Variants in FAXC observed in about 807,000 individuals in gnomAD.
FAXC encodes the protein failed axon connections homolog, metaxin like GST domain containing.
A neutral mutation model predicts 41.9 loss-of-function variants in FAXC; 10 were observed. That is an observed-to-expected ratio of 0.24 (90% CI 0.15 to 0.41). The LOEUF is 0.41. Ranked by LOEUF, FAXC falls within the 10% of genes least tolerant of loss-of-function variation. FAXC has a pLI of 1.00. For synonymous variants in FAXC, 183 were observed against 183.8 expected (o/e 1.00, Z 0.03); for missense variants, 399 against 510.9 (o/e 0.78, Z 2.11).
rs182120667 is a variant in FAXC, at chr6:99,279,082, T to A, written c.*2082A>T. The A allele has an allele frequency of 6.6e-6, 1 of 152,244 alleles. No individual in the cohort carries two copies. Among genetic ancestry groups the A allele is most frequent in the African/African-American group, 2.4e-5 (1 of 41,550 alleles). The allele number at this position is 152,244 out of a possible 1,614,324, so 9.4% of individuals were successfully genotyped here. On this transcript the variant is annotated 3_prime_UTR_variant, in exon 6 of 6. Transcript: ENST00000389677. ...CTGTTCATTATATTCATATTTTCAGTCCAGGAGTCTCCCTAGTCACACAGA... is the reference window on the plus strand; with the variant it reads ...CTGTTCATTATATTCATATTTTCAGACCAGGAGTCTCCCTAGTCACACAGA...
At chr6:99,322,923 A>G (rs1279960611) in intron 4 of FAXC, among the ~76,000 whole-genome samples, 4 of 152,220 alleles carry the variant, frequency 2.6e-5, no homozygotes, top group African/African-American at 9.6e-5. Context: ...TGTGCTAGTA[A>G]TAAGAGGACT....
intron 5 of FAXC, among the ~76,000 whole-genome samples, chr6:99,287,039 A>C (rs1285228806): frequency 6.6e-6 from 1 of 152,202 alleles, no homozygotes; most frequent in Non-Finnish European, 1.5e-5. Context: ...GATGAGCAAG[A>C]GTATATATTT....
rs377166590 is a variant in FAXC at position 99,291,804 on chromosome 6, G to T, written c.840C>A (p.Ile280=). Residue 280 remains isoleucine (I), a synonymous_variant, in exon 5 of 6, where the codon ATC becomes ATA. Transcript: ENST00000389677. Reference sequence around the variant, plus strand: ...CAAGAGTGGAAAGCTTGGGCCCCATGATGTACTTCTTATCACCTGCAGTAA... The same window carrying T: ...CAAGAGTGGAAAGCTTGGGCCCCATTATGTACTTCTTATCACCTGCAGTAA... ...LAGLLGDKKY[I]MGPKLSTLDA... The T allele has an allele frequency of 1.2e-6, 2 of 1,613,886 alleles. No homozygotes were observed. Among genetic ancestry groups the T allele is most frequent in the Non-Finnish European group, 1.7e-6 (2 of 1,179,908 alleles).
chr6:99,331,174 C>T (rs1773012792), intron 3 of FAXC, among the ~76,000 whole-genome samples: 1 of 152,138 alleles, frequency 6.6e-6, no homozygotes, highest in Non-Finnish European at 1.5e-5. Flanking sequence ...ATTTTTTCCT[C>T]AAATTAACCA....
At chr6:99,296,163 C>A (rs753057102) in intron 4 of FAXC, among the ~76,000 whole-genome samples, 4 of 152,012 alleles carry the variant, frequency 2.6e-5, no homozygotes, top group Non-Finnish European at 4.4e-5. Flanking sequence ...GCAAAAAAAA[C>A]ATTTTTAAAA....
chr6:99,289,689 ATGTGTG>A (rs58098982), intron 5 of FAXC, among the ~76,000 whole-genome samples: 59,441 of 146,438 alleles, frequency 0.41, 12,153 homozygotes, highest in African/African-American at 0.49. Context: ...ACATATGTAT[ATGTGTG>A]TGTGTGTGTG....
intron 5 of FAXC, among the ~76,000 whole-genome samples, chr6:99,286,228 A>C (rs764914659): frequency 6.6e-6 from 1 of 152,168 alleles, no homozygotes; most frequent in Non-Finnish European, 1.5e-5. Flanking sequence ...AAAGTTCCTA[A>C]AATACTTGAA....
rs978563258 is a variant in FAXC at position 99,279,512 on chromosome 6, T to C, written c.*1652A>G. Reference sequence around the variant, plus strand: ...CATGGATTTCTCAGAAGTTGCTGTATTTTAAGAAGTGCCTCTTTAACCCCA... The same window carrying C: ...CATGGATTTCTCAGAAGTTGCTGTACTTTAAGAAGTGCCTCTTTAACCCCA... On this transcript the variant is annotated 3_prime_UTR_variant, in exon 6 of 6. Transcript: ENST00000389677. The C allele has an allele frequency of 2.0e-5, 3 of 152,136 alleles. No homozygotes were observed. The highest frequency in any genetic ancestry group is 2.9e-5 in the Non-Finnish European group (2 of 68,016). The allele number at this position is 152,136 out of a possible 1,614,324, so 9.4% of individuals were successfully genotyped here.
rs1770700648 is a variant in FAXC at position 99,278,288 on chromosome 6, G to T, written c.*2876C>A. The T allele has an allele frequency of 6.6e-6, 1 of 152,222 alleles. No homozygotes were observed. Among genetic ancestry groups the T allele is most frequent in the Non-Finnish European group, 1.5e-5 (1 of 68,040 alleles). 9.4% of individuals were successfully genotyped at this position (152,222 alleles called of 1,614,324 possible). A position where few individuals can be genotyped will look rare whatever the true frequency, so the allele number is the denominator to read the frequency against. On this transcript the variant is annotated 3_prime_UTR_variant, in exon 6 of 6. Coordinates refer to ENST00000389677, the MANE Select transcript of FAXC (RefSeq NM_032511.4). ...TGATTCTGCTCATTAATCTTGTTGA[G>T]TGGGGGTACAGATGGGCAAAGAGAG...
chr6:99,346,223 G>A (rs989042034), intron 1 of FAXC, among the ~76,000 whole-genome samples: 1 of 152,130 alleles, frequency 6.6e-6, no homozygotes, highest in Non-Finnish European at 1.5e-5. Context: ...AACCTCTAAA[G>A]CCTTGGTCTT....
chr6:99,298,276 C>G (rs1454972575), intron 4 of FAXC, among the ~76,000 whole-genome samples: 6 of 150,196 alleles, frequency 4.0e-5, no homozygotes, highest in Non-Finnish European at 5.9e-5. Flanking sequence ...TCGTTATGTT[C>G]CCCAGGATGG....
Position 99,274,316 on chromosome 6 carries a change from G to T in FAXC, c.*6848C>A, listed in dbSNP as rs778498132. On this transcript the variant is annotated 3_prime_UTR_variant, in exon 6 of 6. Transcript: ENST00000389677. ...CCCTACATAGATTGCACTTGTTTTT[G>T]ATTTATAAACCTGTACTTTTTATTA... The T allele has an allele frequency of 6.6e-6, 1 of 151,984 alleles. No individual in the cohort carries two copies. The highest frequency in any genetic ancestry group is 1.5e-5 in the Non-Finnish European group (1 of 67,990). The allele number at this position is 151,984 out of a possible 1,614,324, so 9.4% of individuals were successfully genotyped here.
rs1773512107 is a variant in FAXC, at chr6:99,344,085, C to T, written c.267-1052G>A. The stretch of plus-strand genomic sequence containing the variant: ...CCCTGCTTCCTACTGGCCACGTTAG[C>T]CTAGATCTCTCCACCATCTTCACCT... On this transcript the variant is annotated intron_variant, in intron 1 of 5. Coordinates refer to ENST00000389677, the MANE Select transcript of FAXC (RefSeq NM_032511.4). Among the ~76,000 whole-genome samples the T allele has an allele frequency of 2.6e-5, 4 of 152,184 alleles. No homozygotes were observed. In the South Asian group the frequency reaches 8.3e-4, roughly 32 times the overall value.
rs762208257 is a variant in FAXC, at chr6:99,279,974, C to T, written c.*1190G>A. ...TTTGCAAGGTTTGTTTTCAAAAAGA[C>T]ATTACAAGTTGGCAGGCTTCTGCTT... On this transcript the variant is annotated 3_prime_UTR_variant, in exon 6 of 6. Transcript: ENST00000389677. The T allele has an allele frequency of 2.0e-5, 3 of 152,220 alleles. No homozygotes were observed. The highest frequency in any genetic ancestry group is 4.4e-5 in the Non-Finnish European group (3 of 68,038). The allele number at this position is 152,220 out of a possible 1,614,324, so 9.4% of individuals were successfully genotyped here.
At chr6:99,292,910 G>T (rs1242633299) in intron 4 of FAXC, among the ~76,000 whole-genome samples, 2 of 152,088 alleles carry the variant, frequency 1.3e-5, no homozygotes, top group Non-Finnish European at 1.5e-5. Context: ...AGGTTCAAGT[G>T]AGTCTCCTGC....
At chr6:99,338,070 A>G (rs1773279647) in intron 2 of FAXC, among the ~76,000 whole-genome samples, 1 of 152,162 alleles carries the variant, frequency 6.6e-6, no homozygotes, top group African/African-American at 2.4e-5. Context: ...CCACTAAGGG[A>G]ATGGGAATCA....
chr6:99,346,907 T>C (rs1490826660), intron 1 of FAXC, among the ~76,000 whole-genome samples: 2 of 152,166 alleles, frequency 1.3e-5, no homozygotes, highest in African/African-American at 2.4e-5. Flanking sequence ...TATTCAGAAA[T>C]AGCCCTTTTT....
rs999092385 is a variant in FAXC at position 99,297,698 on chromosome 6, G to T, written c.824-5878C>A. 7.0e-4 allele frequency among the ~76,000 whole-genome samples: 106 copies of T among 152,282 alleles called. 2 individuals are homozygous for T. The highest frequency in any genetic ancestry group is 6.7e-3 in the Admixed American group (103 of 15,302). ...TCCAGACCTGGGCAGGACAAACCGA[G>T]CTCTACCTCCTATGAATGGTCTACT... On this transcript the variant is annotated intron_variant, in intron 4 of 5. Coordinates refer to ENST00000389677, the MANE Select transcript of FAXC (RefSeq NM_032511.4).
Position 99,333,463 on chromosome 6 carries a change from T to C in FAXC, c.487A>G (p.Ile163Val). Residue 163 changes from isoleucine (I) to valine (V), a missense_variant, in exon 3 of 6, where the codon ATA (isoleucine) becomes GTA (valine). Transcript: ENST00000389677. ...AGCTTCTCTTCCAGAAAGTCAATTA[T>C]GAATTCTGTGCCAGAAACTTTTTCA... is the stretch of plus-strand genomic sequence containing the variant. ...NHEKVSGTEF[I>V]IDFLEEKLGV... The C allele has an allele frequency of 3.1e-6, 5 of 1,614,198 alleles. No individual in the cohort carries two copies. Among genetic ancestry groups the C allele is most frequent in the Non-Finnish European group, 4.2e-6 (5 of 1,180,028 alleles).
Sources: allele counts gnomAD v4.1 joint callset (sites outside exome capture counted in the v4.1 genomes callset), GRCh38; gene constraint gnomAD v4.1.1; transcripts MANE v1.5; gene names NCBI Gene and HGNC (gene_info 2026-07-23, HGNC 2026-07-21).